The following CRACD variants were observed in gnomAD, a reference collection of about 807,000 sequenced individuals.
CRACD encodes the protein capping protein inhibiting regulator of actin dynamics.
A neutral mutation model predicts 106.8 loss-of-function variants in CRACD; 56 were observed. That is an observed-to-expected ratio of 0.52 (90% confidence interval 0.42 to 0.66). The LOEUF (loss-of-function observed/expected upper bound fraction) is 0.66, where lower values mean the gene tolerates loss of function less well. Ranked by LOEUF, CRACD falls within the 30% of genes least tolerant of loss-of-function variation. CRACD has a pLI of 0.00. For missense variants in CRACD, 1,730 were observed against 1,623.2 expected, an observed-to-expected ratio of 1.07 and a Z score of -1.13; for synonymous variants, 754 against 670.8, an observed-to-expected ratio of 1.12 and a Z score of -1.92.
intron 2 of CRACD, among the ~76,000 whole-genome samples, chr4:56,207,826 A>AT (rs1485145071): frequency 3.1e-5 from 3 of 97,542 alleles, no homozygotes; most frequent in Non-Finnish European, 6.5e-5. Flanking sequence ...ATTTTATTTT[A>AT]TTTATTTATT....
chr4:56,326,296 T>A (rs1746446106), intron 10 of CRACD, among the ~76,000 whole-genome samples: 1 of 152,170 alleles, frequency 6.6e-6, no homozygotes, highest in South Asian at 2.1e-4. Flanking sequence ...TTGATTTTAC[T>A]TATAGGAATT....
At chr4:56,311,920 G>T (rs1455847012) in intron 6 of CRACD, among the ~76,000 whole-genome samples, 1 of 152,144 alleles carries the variant, frequency 6.6e-6, no homozygotes, top group African/African-American at 2.4e-5. Context: ...TGTGGCCTGT[G>T]GGTTCGGGCT....
At chr4:56,180,059 T>C (rs934646386) in intron 2 of CRACD, among the ~76,000 whole-genome samples, 2 of 152,068 alleles carry the variant, frequency 1.3e-5, no homozygotes, top group African/African-American at 4.8e-5. Context: ...TTTCTTGCTA[T>C]TAGAAAATTC....
intron 1 of CRACD, among the ~76,000 whole-genome samples, chr4:56,069,271 C>G (rs1318060817): frequency 6.6e-6 from 1 of 152,180 alleles, no homozygotes; most frequent in Non-Finnish European, 1.5e-5. Context: ...ATACAGATAC[C>G]TGTTAGACAT....
intron 1 of CRACD, among the ~76,000 whole-genome samples, chr4:56,120,164 A>G (rs752625704): frequency 1.8e-4 from 28 of 152,004 alleles, no homozygotes; most frequent in Non-Finnish European, 3.8e-4. Flanking sequence ...GCATGCCAGA[A>G]CTCTGCAAGA....
chr4:56,135,796 T>C (rs76321154), intron 1 of CRACD, among the ~76,000 whole-genome samples: 2 of 152,284 alleles, frequency 1.3e-5, no homozygotes, highest in African/African-American at 4.8e-5. Context: ...TAATGAGATA[T>C]GACATAGGAA....
chr4:56,264,224 C>T lies in CRACD; in HGVS notation c.-188-8097C>T, dbSNP rs780274064. Among the ~76,000 whole-genome samples, 8 of 152,114 alleles carry T rather than the reference C, an allele frequency of 5.3e-5. No individual in the cohort carries two copies. In the South Asian group the frequency reaches 6.2e-4, roughly 12 times the overall value. On this transcript the variant is annotated intron_variant, in intron 2 of 10. Transcript: ENST00000682029. The stretch of plus-strand genomic sequence containing the variant: ...GATTCAGTCATCTCCCACCAGGCCC[C>T]GCCTCCAACACTCGGGATCACAATT...
chr4:56,138,120 C>T (rs1735067996), intron 1 of CRACD, among the ~76,000 whole-genome samples: 1 of 151,544 alleles, frequency 6.6e-6, no homozygotes, highest in South Asian at 2.1e-4. Context: ...GATTGTGATT[C>T]AGAGATTTAA....
intron 2 of CRACD, among the ~76,000 whole-genome samples, chr4:56,264,466 AT>A (rs112464992): frequency 0.26 from 39,715 of 152,000 alleles, 5,321 homozygotes; most frequent in African/African-American, 0.27. Flanking sequence ...CACATATGCC[AT>A]AGCCTATGTA....
intron 1 of CRACD, among the ~76,000 whole-genome samples, chr4:56,143,313 C>T (rs888680141): frequency 2.0e-5 from 3 of 152,086 alleles, no homozygotes; most frequent in African/African-American, 4.8e-5. Flanking sequence ...GGTAGATAAT[C>T]GTGAGCTGAA....
At chr4:56,262,480 T>G (rs1741762599) in intron 2 of CRACD, among the ~76,000 whole-genome samples, 1 of 152,098 alleles carries the variant, frequency 6.6e-6, no homozygotes, top group Admixed American at 6.6e-5. Context: ...CCACACAAAT[T>G]CATAAACTTT....
intron 3 of CRACD, among the ~76,000 whole-genome samples, chr4:56,276,629 A>G (rs1214640122): frequency 6.6e-6 from 1 of 152,236 alleles, no homozygotes; most frequent in African/African-American, 2.4e-5. Flanking sequence ...CATATAGCTT[A>G]TAAATCCCTG....
At chr4:56,193,746 A>G (rs1426531738) in intron 2 of CRACD, among the ~76,000 whole-genome samples, 1 of 152,250 alleles carries the variant, frequency 6.6e-6, no homozygotes, top group Non-Finnish European at 1.5e-5. Context: ...AAATTGGTGT[A>G]TACTCAGTCA....
intron 1 of CRACD, among the ~76,000 whole-genome samples, chr4:56,061,246 C>T (rs112886676): frequency 0.027 from 4,104 of 152,266 alleles, 124 homozygotes; most frequent in Admixed American, 0.076. Context: ...TCATGGCGCA[C>T]GGCAGCCTCG....
chr4:56,068,284 C>T (rs1342076367), intron 1 of CRACD, among the ~76,000 whole-genome samples: 2 of 152,284 alleles, frequency 1.3e-5, no homozygotes, highest in African/African-American at 2.4e-5. Context: ...GCAAGTGTAA[C>T]GGGCCAAGGC....
intron 4 of CRACD, 128 bp from the exon 5 acceptor site, chr4:56,307,407 T>C: frequency 1.4e-6 from 1 of 724,572 alleles, no homozygotes; most frequent in South Asian, 2.2e-5. Context: ...CCTGGCATGG[T>C]GTTGAGTCTA....
chr4:56,313,370 C>T lies in CRACD; in HGVS notation c.528C>T (p.Arg176=). 2 of 1,613,386 alleles carry T rather than the reference C, an allele frequency of 1.2e-6. No homozygotes were observed. Residue 176 remains arginine (R), a synonymous_variant, in exon 7 of 11, where the codon CGC becomes CGT. Transcript: ENST00000682029. ...AGAGGGTGTCAAAGAAGCACAGGCG[C>T]CTTGCCCAGGTGTGTAGAGCCTGCA... ...KKQRVSKKHR[R]LAQDPQHEQG...
rs148701678 is a variant in CRACD at position 56,159,691 on chromosome 4, C to A, written c.-335-19593C>A. Among the ~76,000 whole-genome samples, 1,242 of 152,198 alleles carry A rather than the reference C, an allele frequency of 8.2e-3. 5 individuals carry two copies. The highest frequency in any genetic ancestry group is 0.012 in the Non-Finnish European group (850 of 68,010). ...CAAAAAACAATAGTCTCTTCTGACC[C>A]CCCTATAATCTGCTGGGCATGGTCC... On this transcript the variant is annotated intron_variant, in intron 1 of 10. Coordinates refer to ENST00000682029, the MANE Select transcript of CRACD (RefSeq NM_001393381.1).
Position 56,316,401 on chromosome 4 carries a change from C to A in CRACD, c.2899C>A (p.Pro967Thr). 2 of 1,614,168 alleles carry A rather than the reference C, an allele frequency of 1.2e-6. No homozygotes were observed. Among genetic ancestry groups the A allele is most frequent in the South Asian group, 2.2e-5 (2 of 91,088 alleles). ...LAQKPALAPK[P>T]TSQTPPASPL... The stretch of plus-strand genomic sequence containing the variant: ...ACAAAAGCCAGCACTGGCTCCCAAG[C>A]CCACCAGTCAGACCCCACCAGCATC... The change falls in exon 8 of 11, where the codon CCC (proline) becomes ACC (threonine). Residue 967 changes from proline (P) to threonine (T), a missense_variant. Around this residue, in one of 5 missense-constraint regions of CRACD, gnomAD observed 1,620 missense variants for 1,481.6 expected, o/e 1.09. Coordinates refer to ENST00000682029, the MANE Select transcript of CRACD (RefSeq NM_001393381.1).
Sources: allele counts gnomAD v4.1 joint callset (sites outside exome capture counted in the v4.1 genomes callset), GRCh38; gene constraint gnomAD v4.1.1; regional missense constraint gnomAD v4.1.1; transcripts MANE v1.5; gene names NCBI Gene and HGNC (gene_info 2026-07-23, HGNC 2026-07-21).